The following RPS6KC1 variants were observed in gnomAD, a reference collection of about 807,000 sequenced individuals.
RPS6KC1 encodes the protein ribosomal protein S6 kinase C1, also known as inactive ribosomal protein S6 kinase delta-1.
In RPS6KC1, 54 loss-of-function variants were observed where a neutral mutation model predicts 103.8. The observed-to-expected ratio is 0.52, with a 90% CI of 0.42 to 0.65. RPS6KC1 has a LOEUF of 0.65. RPS6KC1 is among the 30% of genes least tolerant of loss of function. The pLI, the probability that RPS6KC1 is intolerant of heterozygous loss-of-function variation, is 0.00. For synonymous variants in RPS6KC1, 439 were observed against 438.7 expected, an observed-to-expected ratio of 1.00 and a Z score of -0.01; for missense variants, 1,151 against 1,253.8, an observed-to-expected ratio of 0.92 and a Z score of 1.24.
intron 8 of RPS6KC1, among the ~76,000 whole-genome samples, chr1:213,198,309 TG>T (rs1245363250): frequency 1.3e-5 from 2 of 152,244 alleles, no homozygotes; most frequent in African/African-American, 4.8e-5. Context: ...GAATTTCTGC[TG>T]AACTATCTGC....
chr1:213,330,462 CAGAAGCTCCCTAAT>C, the RPS6KC1 span, among the ~76,000 whole-genome samples: 7 of 152,186 alleles, frequency 4.6e-5, no homozygotes, highest in Non-Finnish European at 1.0e-4. Flanking sequence ...TGGCTTACAC[CAGAAGCTCCCTAAT>C]AGAAGCTCCC....
chr1:213,494,078 A>G, the RPS6KC1 span, among the ~76,000 whole-genome samples: 1 of 152,120 alleles, frequency 6.6e-6, no homozygotes, highest in African/African-American at 2.4e-5. Context: ...TCTGTAGTAT[A>G]TGATGCAATG....
the RPS6KC1 span, among the ~76,000 whole-genome samples, chr1:213,496,847 C>CT: frequency 6.6e-6 from 1 of 152,200 alleles, no homozygotes; most frequent in Non-Finnish European, 1.5e-5. Flanking sequence ...TGCCCCAACT[C>CT]TGAGTGCAAT....
chr1:213,189,501 A>T (rs562837539), intron 8 of RPS6KC1, among the ~76,000 whole-genome samples: 2 of 150,790 alleles, frequency 1.3e-5, no homozygotes, highest in African/African-American at 2.4e-5. Flanking sequence ...CACTTCTTAA[A>T]TTTTTTTTAT....
At chr1:213,193,741 A>T (rs1434824909) in intron 8 of RPS6KC1, among the ~76,000 whole-genome samples, 2 of 151,978 alleles carry the variant, frequency 1.3e-5, no homozygotes, top group South Asian at 4.2e-4. Context: ...CGATCCTCCC[A>T]CCTCAGCCTC....
At chr1:213,130,363 A>T (rs569625137) in intron 6 of RPS6KC1, among the ~76,000 whole-genome samples, 1 of 152,156 alleles carries the variant, frequency 6.6e-6, no homozygotes, top group African/African-American at 2.4e-5. Context: ...AATGGAGGTG[A>T]TGTGGGACAT....
the RPS6KC1 span, among the ~76,000 whole-genome samples, chr1:213,695,959 G>A: frequency 6.6e-6 from 1 of 152,138 alleles, no homozygotes; most frequent in Non-Finnish European, 1.5e-5. Flanking sequence ...ATAATTTATT[G>A]TAATCCTTAC....
At chr1:213,754,480 G>A in the RPS6KC1 span, among the ~76,000 whole-genome samples, 1 of 152,204 alleles carries the variant, frequency 6.6e-6, no homozygotes, top group Non-Finnish European at 1.5e-5. Flanking sequence ...TGGGGGCAGA[G>A]TTCTCACAAG....
chr1:213,381,381 A>G, the RPS6KC1 span, among the ~76,000 whole-genome samples: 2 of 151,786 alleles, frequency 1.3e-5, no homozygotes, highest in Non-Finnish European at 2.9e-5. Context: ...TTATGGGGCC[A>G]ACCTTATGTT....
At chr1:213,798,476 C>T in the RPS6KC1 span, among the ~76,000 whole-genome samples, 5 of 152,130 alleles carry the variant, frequency 3.3e-5, no homozygotes, top group African/African-American at 4.8e-5. Context: ...GGGCTGGAGG[C>T]GGATAGGGTA....
the RPS6KC1 span, among the ~76,000 whole-genome samples, chr1:213,551,901 ATT>A: frequency 6.6e-6 from 1 of 152,182 alleles, no homozygotes; most frequent in Admixed American, 6.5e-5. Context: ...TAATCTTTTT[ATT>A]GTCTCCATAG....
At chr1:213,117,885 G>T (rs2083852447) in intron 5 of RPS6KC1, among the ~76,000 whole-genome samples, 1 of 151,446 alleles carries the variant, frequency 6.6e-6, no homozygotes, top group Admixed American at 6.6e-5. Context: ...AGCTGGGTGT[G>T]GTGGCAGGCA....
chr1:213,709,884 C>G, the RPS6KC1 span, among the ~76,000 whole-genome samples: 1 of 152,112 alleles, frequency 6.6e-6, no homozygotes, highest in Non-Finnish European at 1.5e-5. Flanking sequence ...GTCTGACAGA[C>G]TTTTTGTTAT....
At chr1:213,369,270 G>C in the RPS6KC1 span, among the ~76,000 whole-genome samples, 26 of 152,204 alleles carry the variant, frequency 1.7e-4, no homozygotes, top group Admixed American at 1.7e-3. Context: ...TGGCTTGTTT[G>C]GATCCTGACA....
chr1:213,080,263 A>C (rs1429828307), intron 3 of RPS6KC1, among the ~76,000 whole-genome samples: 1 of 151,112 alleles, frequency 6.6e-6, no homozygotes, highest in Non-Finnish European at 1.5e-5. Flanking sequence ...TTGACTCACT[A>C]CTCTGGTGGG....
At chr1:213,220,039 G>T (rs994677369) in intron 8 of RPS6KC1, among the ~76,000 whole-genome samples, 2 of 151,822 alleles carry the variant, frequency 1.3e-5, no homozygotes, top group Admixed American at 1.3e-4. Context: ...TTTACCCAAA[G>T]TACTAAATAT....
At chr1:213,131,812 C>T (rs2085663534) in intron 6 of RPS6KC1, among the ~76,000 whole-genome samples, 1 of 152,042 alleles carries the variant, frequency 6.6e-6, no homozygotes, top group Admixed American at 6.5e-5. Context: ...TTATTCTTTG[C>T]CTTAACTCTC....
At chr1:213,235,711 G>GAGGC (rs1340980020) in intron 10 of RPS6KC1, among the ~76,000 whole-genome samples, 3 of 152,068 alleles carry the variant, frequency 2.0e-5, no homozygotes, top group African/African-American at 7.2e-5. Context: ...GAGAAGTGAG[G>GAGGC]AGGCAGGCAG....
At chr1:213,191,094 T>C (rs184424501) in intron 8 of RPS6KC1, among the ~76,000 whole-genome samples, 5 of 152,308 alleles carry the variant, frequency 3.3e-5, no homozygotes, top group Non-Finnish European at 1.5e-5. Flanking sequence ...TCTTCCAGTT[T>C]TGTTGTTTTT....
Sources: gnomAD v4.1 joint callset for allele counts (sites outside exome capture counted in the v4.1 genomes callset) on GRCh38, gnomAD v4.1.1 for gene constraint, MANE v1.5 for transcripts, NCBI Gene and HGNC (gene_info 2026-07-23, HGNC 2026-07-21) for gene names.